The following YBEY variants were observed in gnomAD, a reference collection of about 807,000 sequenced individuals.
YBEY encodes endoribonuclease YbeY.
Under a neutral mutation model 13.5 loss-of-function variants are expected in YBEY, and 15 were observed. That is an observed-to-expected ratio of 1.11 (90% CI 0.75 to 1.72). The LOEUF (loss-of-function observed/expected upper bound fraction) is 1.72, where lower values mean the gene tolerates loss of function less well. YBEY is among the 40% of genes most tolerant of loss of function. YBEY has a pLI of 0.00. For synonymous variants in YBEY, 101 were observed against 83.1 expected (o/e 1.21, Z -1.17); for missense variants, 244 against 208.4 (o/e 1.17, Z -1.05).
chr21:46,302,151 G>T, downstream of YBEY: 1 of 1,487,176 alleles, frequency 6.7e-7, no homozygotes. Context: ...ACATGTGGCG[G>T]GTCCTGCCAC....
At chr21:46,308,176 C>T in the YBEY span, among the ~76,000 whole-genome samples, 2 of 151,256 alleles carry the variant, frequency 1.3e-5, no homozygotes, top group Non-Finnish European at 2.9e-5. Context: ...TTTTAAGAAA[C>T]TGCTGCCCAG....
intron 4 of YBEY, among the ~76,000 whole-genome samples, chr21:46,296,434 G>A (rs561766345): frequency 1.3e-5 from 2 of 152,332 alleles, no homozygotes; most frequent in East Asian, 1.9e-4. Context: ...TAAGGAAAGC[G>A]GTCTGAGTGC....
intron 2 of YBEY, among the ~76,000 whole-genome samples, chr21:46,289,198 G>C (rs1353719895): frequency 6.6e-6 from 1 of 152,172 alleles, no homozygotes; most frequent in Non-Finnish European, 1.5e-5. Flanking sequence ...GAAAGAACAG[G>C]AATATACAGT....
chr21:46,304,495 A>G, the YBEY span, among the ~76,000 whole-genome samples: 1 of 151,990 alleles, frequency 6.6e-6, no homozygotes, highest in Admixed American at 6.5e-5. Context: ...CTTAGAAAAA[A>G]AAAAACCTCA....
intron 2 of YBEY, among the ~76,000 whole-genome samples, chr21:46,287,692 G>T (rs559687388): frequency 3.7e-4 from 56 of 152,170 alleles, no homozygotes; most frequent in African/African-American, 1.3e-3. Flanking sequence ...TAACCCAGCA[G>T]GAAAAAGAAA....
At chr21:46,300,035 C>T, downstream of YBEY, 1 of 152,628 alleles carries the variant, frequency 6.6e-6, no homozygotes. Context: ...ACTCTGGATG[C>T]CAGAGCCTTT....
chr21:46,298,957 A>G (rs2145859665), downstream of YBEY, among the ~76,000 whole-genome samples: 1 of 150,358 alleles, frequency 6.7e-6, no homozygotes, highest in South Asian at 2.1e-4. Context: ...CCTGACCTCA[A>G]GTAATCTGCC....
In YBEY at chr21:46,286,678, CCTT is replaced by C. The variant is rs539766944; in HGVS notation, c.-44-189_-44-187del. 1,389 of 317,428 alleles carry C rather than the reference CCTT, an allele frequency of 4.4e-3. 16 individuals carry two copies. The highest frequency in any genetic ancestry group is 0.028 in the African/African-American group (1,284 of 45,254). 19.7% of individuals were successfully genotyped at this position (317,428 alleles called of 1,614,324 possible). Reference sequence around the variant, plus strand: ...TCCTTCCGCTCCGCCCGCCTGGAGTCCTTCTGGCCGGATTCCGCGGCATCCTTC... The same window carrying C: ...TCCTTCCGCTCCGCCCGCCTGGAGTCCTGGCCGGATTCCGCGGCATCCTTC... On this transcript the variant is annotated intron_variant, in intron 1 of 4. Transcript: ENST00000397701.
chr21:46,289,767 TA>T (rs1440940628), intron 2 of YBEY, among the ~76,000 whole-genome samples: 1 of 152,140 alleles, frequency 6.6e-6, no homozygotes. Flanking sequence ...CAAAGGTTTT[TA>T]AAGGAAAAAA....
chr21:46,311,186 A>G, the YBEY span, among the ~76,000 whole-genome samples: 1 of 152,130 alleles, frequency 6.6e-6, no homozygotes, highest in Non-Finnish European at 1.5e-5. Context: ...ATTATTTTAA[A>G]AGAAGCATCT....
chr21:46,297,310 C>G (rs1379810555), intron 4 of YBEY, among the ~76,000 whole-genome samples: 12 of 151,430 alleles, frequency 7.9e-5, no homozygotes, highest in African/African-American at 1.5e-4. Context: ...TCCCACTCCC[C>G]TCCCGAGGCC....
intron 4 of YBEY, 84 bp downstream of exon 4, chr21:46,296,314 TCTTGACCGCCCCCGCAGGAACTGGAC>T: frequency 6.9e-7 from 1 of 1,456,862 alleles, no homozygotes; most frequent in Non-Finnish European, 9.3e-7. Flanking sequence ...CCACCCTCCA[TCTTGACCGCCCCCGCAGGAACTGGAC>T]CTCAGACCTG....
intron 3 of YBEY, chr21:46,292,319 AAGGCCTGCGGGCTGGTTCTCCTC>A (rs1306055184): frequency 6.6e-6 from 1 of 152,212 alleles, no homozygotes; most frequent in African/African-American, 2.4e-5. Context: ...CTGGGGAAGC[AAGGCCTGCGGGCTGGTTCTCCTC>A]AGGACACCTA....
At chr21:46,310,097 TA>T in the YBEY span, among the ~76,000 whole-genome samples, 1 of 152,196 alleles carries the variant, frequency 6.6e-6, no homozygotes, top group Admixed American at 6.6e-5. Context: ...GAGGAGGGAT[TA>T]AAAAGAAACA....
At chr21:46,291,964 A>T in intron 3 of YBEY, 1 of 527,680 alleles carries the variant, frequency 1.9e-6, no homozygotes, top group Non-Finnish European at 2.4e-6. Flanking sequence ...TATTCAACTC[A>T]ATCTCCCAGA....
the YBEY span, among the ~76,000 whole-genome samples, chr21:46,305,939 CA>C: frequency 2.3e-4 from 30 of 130,940 alleles, no homozygotes; most frequent in South Asian, 7.3e-4. Flanking sequence ...GACTCCGTCT[CA>C]AAAAAAAAAA....
rs1437054343 is a variant in YBEY at position 46,297,547 on chromosome 21, G to GA, written c.419dup (p.Glu141GlyfsTer54). 1.4e-6 allele frequency: 2 copies of GA among 1,397,378 alleles called. No individual in the cohort carries two copies. The highest frequency in any genetic ancestry group is 1.9e-6 in the Non-Finnish European group (2 of 1,063,884). The allele number at this position is 1,397,378 out of a possible 1,614,324, so 86.6% of individuals were successfully genotyped here. A position where few individuals can be genotyped will look rare whatever the true frequency, so the allele number is the denominator to read the frequency against. On this transcript the variant is annotated frameshift_variant, in exon 5 of 5. Coordinates refer to ENST00000397701, the MANE Select transcript of YBEY (RefSeq NM_001314025.2). LOFTEE classifies it high-confidence loss of function. ...CGCTTCCTTCCTTCCAGATGTTCCA[G>GA]AAGGAGAAGGCGGTGCTGGACGAGC...
the YBEY span, chr21:46,313,053 G>T: frequency 1.0e-6 from 1 of 985,426 alleles, no homozygotes; most frequent in Non-Finnish European, 1.2e-6. Flanking sequence ...TCACAGAAAG[G>T]ACGGCAGAGA....
chr21:46,294,839 C>T (rs566259829), intron 3 of YBEY, among the ~76,000 whole-genome samples: 1 of 152,340 alleles, frequency 6.6e-6, no homozygotes, highest in East Asian at 1.9e-4. Context: ...CCTTTGGCTG[C>T]ACAGCCATGC....
Sources: allele counts gnomAD v4.1 joint callset (sites outside exome capture counted in the v4.1 genomes callset), GRCh38; gene constraint gnomAD v4.1.1; transcripts MANE v1.5; gene names NCBI Gene and HGNC (gene_info 2026-07-23, HGNC 2026-07-21).